The following RBPJ variants were observed in gnomAD, a reference collection of about 807,000 sequenced individuals.
RBPJ encodes recombining binding protein suppressor of hairless.
RBPJ carries 9 observed loss-of-function variants against 67.8 expected under a neutral mutation model. The ratio of observed to expected loss-of-function variants is 0.13; its 90% CI spans 0.08 to 0.23. RBPJ has a LOEUF of 0.23. Ranked by LOEUF, RBPJ falls within the 10% of genes least tolerant of loss-of-function variation. The pLI is 1.00. For synonymous variants in RBPJ, 198 were observed against 203.3 expected, an observed-to-expected ratio of 0.97 and a Z score of 0.22; for missense variants, 305 against 595.6, an observed-to-expected ratio of 0.51 and a Z score of 5.08.
chr4:26,199,627 G>C (rs910056661), intron 1 of RBPJ, among the ~76,000 whole-genome samples: 3 of 152,168 alleles, frequency 2.0e-5, no homozygotes, highest in African/African-American at 7.2e-5. Context: ...TTACCGTTCA[G>C]ATCTGAAGCG....
At chr4:26,352,006 A>G (rs1726861330) in intron 1 of RBPJ, among the ~76,000 whole-genome samples, 1 of 152,136 alleles carries the variant, frequency 6.6e-6, no homozygotes, top group Non-Finnish European at 1.5e-5. Flanking sequence ...CTTTGGGATC[A>G]CAGTGAACTG....
At chr4:26,138,659 A>G in the RBPJ span, among the ~76,000 whole-genome samples, 674 of 152,324 alleles carry the variant, frequency 4.4e-3, 1 homozygote, top group African/African-American at 0.014. Flanking sequence ...TGAGCCCCAA[A>G]GCTGAGGGCA....
intron 1 of RBPJ, among the ~76,000 whole-genome samples, chr4:26,367,248 C>T (rs1314303075): frequency 2.6e-5 from 4 of 151,962 alleles, no homozygotes; most frequent in African/African-American, 7.3e-5. Flanking sequence ...TTTGGGAAGC[C>T]GAGGTGGGCA....
At chr4:26,151,864 A>G in the RBPJ span, among the ~76,000 whole-genome samples, 3 of 152,216 alleles carry the variant, frequency 2.0e-5, no homozygotes, top group African/African-American at 7.2e-5. Flanking sequence ...CTGTCTGGAA[A>G]AGGTGGGTCG....
At chr4:26,234,226 T>A (rs959205388) in intron 1 of RBPJ, among the ~76,000 whole-genome samples, 1 of 151,154 alleles carries the variant, frequency 6.6e-6, no homozygotes, top group Non-Finnish European at 1.5e-5. Flanking sequence ...ACTACTGTAC[T>A]TTTTCCTTCA....
At chr4:26,320,806 C>T, upstream of RBPJ, 1 of 1,557,350 alleles carries the variant, frequency 6.4e-7, no homozygotes, top group African/African-American at 1.4e-5. Flanking sequence ...GCGCATGCTC[C>T]ATCGCCTGGG....
Position 26,178,254 on chromosome 4 carries a change from C to T in RBPJ, c.-167+14640C>T, listed in dbSNP as rs116783693. On this transcript the variant is annotated intron_variant, in intron 1 of 4. Transcript: ENST00000512351. ...GGTGTCTTCCAGAGGCCCCAGCAAC[C>T]GAACTAGCTGGAGAACCACTGGACT... is the stretch of plus-strand genomic sequence containing the variant. Among the ~76,000 whole-genome samples the T allele has an allele frequency of 1.5e-3, 234 of 152,286 alleles. 1 individual carries two copies. Among genetic ancestry groups the T allele is most frequent in the African/African-American group, 5.2e-3 (218 of 41,542 alleles).
chr4:26,270,402 A>T (rs937718454), intron 1 of RBPJ, among the ~76,000 whole-genome samples: 3 of 71,968 alleles, frequency 4.2e-5, no homozygotes, highest in Admixed American at 1.8e-4. Context: ...AGAAAGAAAG[A>T]AAGAAAGAAA....
chr4:26,274,046 G>T (rs572049175), intron 1 of RBPJ, among the ~76,000 whole-genome samples: 2 of 152,256 alleles, frequency 1.3e-5, no homozygotes, highest in East Asian at 3.9e-4. Context: ...CACAGGTGTG[G>T]CCTCAACCCC....
intron 1 of RBPJ, among the ~76,000 whole-genome samples, chr4:26,265,424 G>A (rs572459488): frequency 6.6e-6 from 1 of 152,098 alleles, no homozygotes; most frequent in East Asian, 1.9e-4. Context: ...AGCTACTCGG[G>A]AGGCTGAGGC....
rs903381671 is a variant in RBPJ, at chr4:26,360,756, G to GT, written c.21-25589dup. Among the ~76,000 whole-genome samples, 21 of 150,920 alleles carry GT rather than the reference G, an allele frequency of 1.4e-4. 1 individual carries two copies. The highest frequency in any genetic ancestry group is 3.9e-4 in the African/African-American group (16 of 41,128). On this transcript the variant is annotated intron_variant, in intron 1 of 10. Coordinates refer to ENST00000355476, the MANE Select transcript of RBPJ (RefSeq NM_015874.6). ...GTCACTATGACCAGCTAATGTTTGG[G>GT]TTTTTTTTATTTTTTTTTTCTTTTG... is the stretch of plus-strand genomic sequence containing the variant.
chr4:26,428,358 C>G (rs948877658), intron 7 of RBPJ, among the ~76,000 whole-genome samples: 1 of 152,164 alleles, frequency 6.6e-6, no homozygotes, highest in African/African-American at 2.4e-5. Flanking sequence ...GAATATCAGG[C>G]CCCACAAGAG....
intron 1 of RBPJ, among the ~76,000 whole-genome samples, chr4:26,253,307 CTTTTTTT>C (rs1182769419): frequency 1.7e-5 from 2 of 114,400 alleles, no homozygotes; most frequent in Non-Finnish European, 3.6e-5. Context: ...TCTGCTATTT[CTTTTTTT>C]TTTTTTTTTT....
chr4:26,375,108 G>A (rs1288039033), intron 1 of RBPJ, among the ~76,000 whole-genome samples: 1 of 151,882 alleles, frequency 6.6e-6, no homozygotes, highest in African/African-American at 2.4e-5. Flanking sequence ...TTTGAGACTA[G>A]CCTGGGCAAT....
At chr4:26,335,073 G>A (rs1724666561) in intron 1 of RBPJ, among the ~76,000 whole-genome samples, 1 of 152,150 alleles carries the variant, frequency 6.6e-6, no homozygotes, top group South Asian at 2.1e-4. Context: ...CTATAAAATA[G>A]ACTTGATATC....
rs1173223449 is a variant in RBPJ at position 26,191,238 on chromosome 4, GAGAT to G, written c.-167+27628_-167+27631del. Among the ~76,000 whole-genome samples the G allele has an allele frequency of 2.3e-3, 248 of 108,018 alleles. 3 individuals carry two copies. The highest frequency in any genetic ancestry group is 4.0e-3 in the African/African-American group (110 of 27,170). The allele number at this position is 108,018 out of a possible 152,430, so 70.9% of individuals were successfully genotyped here. A position where few individuals can be genotyped will look rare whatever the true frequency, so the allele number is the denominator to read the frequency against. The stretch of plus-strand genomic sequence containing the variant: ...AGAGAGAGAGAGAGAGAGAGAGAGA[GAGAT>G]AGAGAGAGAGAGAGGGAGAGAGGGA... On this transcript the variant is annotated intron_variant, in intron 1 of 4. Coordinates refer to the RBPJ transcript ENST00000512351.
intron 1 of RBPJ, among the ~76,000 whole-genome samples, chr4:26,294,017 C>A (rs1226789869): frequency 6.6e-6 from 1 of 152,166 alleles, no homozygotes. Flanking sequence ...CTCAACCTCC[C>A]AAAGTGCTGG....
the RBPJ span, among the ~76,000 whole-genome samples, chr4:26,122,629 G>A: frequency 2.1e-3 from 321 of 152,194 alleles, no homozygotes; most frequent in Non-Finnish European, 3.7e-3. Context: ...ACATTTATTG[G>A]AATAAAGTTG....
chr4:26,220,275 A>T (rs1224730064), intron 1 of RBPJ, among the ~76,000 whole-genome samples: 1 of 152,194 alleles, frequency 6.6e-6, no homozygotes, highest in Non-Finnish European at 1.5e-5. Flanking sequence ...GCAAAGATGT[A>T]TGTGTGCATT....
Sources: gnomAD v4.1 joint callset for allele counts (sites outside exome capture counted in the v4.1 genomes callset) on GRCh38, gnomAD v4.1.1 for gene constraint, MANE v1.5 for transcripts, NCBI Gene and HGNC (gene_info 2026-07-23, HGNC 2026-07-21) for gene names.